The following PLCE1 variants were observed in gnomAD, a reference collection of about 807,000 sequenced individuals.
PLCE1 encodes the protein phospholipase C epsilon 1.
A neutral mutation model predicts 242.8 loss-of-function variants in PLCE1; 119 were observed. The ratio of observed to expected loss-of-function variants is 0.49; its 90% confidence interval spans 0.42 to 0.57. The LOEUF is 0.57. Ranked by LOEUF, PLCE1 falls within the 20% of genes least tolerant of loss-of-function variation. PLCE1 has a pLI of 0.00. For synonymous variants in PLCE1, 945 were observed against 1,017.4 expected, an observed-to-expected ratio of 0.93 and a Z score of 1.35; for missense variants, 2,441 against 2,788.8, an observed-to-expected ratio of 0.88 and a Z score of 2.81.
chr10:94,301,468 T>C (rs935279304), intron 24 of PLCE1, among the ~76,000 whole-genome samples: 6 of 152,306 alleles, frequency 3.9e-5, no homozygotes, highest in Admixed American at 2.0e-4. Flanking sequence ...AAGTGCTTGA[T>C]TTTCCATGAA....
At chr10:94,276,290 G>A (rs2051951621) in intron 19 of PLCE1, among the ~76,000 whole-genome samples, 1 of 152,200 alleles carries the variant, frequency 6.6e-6, no homozygotes, top group South Asian at 2.1e-4. Context: ...ATAGAAAACT[G>A]AAACCTGGCC....
chr10:94,050,544 T>C (rs1047574977), intron 2 of PLCE1, among the ~76,000 whole-genome samples: 2 of 152,062 alleles, frequency 1.3e-5, no homozygotes, highest in Non-Finnish European at 2.9e-5. Flanking sequence ...ATCCTGGCCA[T>C]TTAACAAAAC....
chr10:94,120,170 G>T (rs567341289), intron 2 of PLCE1, among the ~76,000 whole-genome samples: 28 of 152,026 alleles, frequency 1.8e-4, no homozygotes, highest in Non-Finnish European at 4.0e-4. Context: ...CCTCTTCCAG[G>T]CTCCATGTCC....
At chr10:94,117,974 C>T (rs907604530) in intron 2 of PLCE1, among the ~76,000 whole-genome samples, 8 of 152,144 alleles carry the variant, frequency 5.3e-5, no homozygotes, top group Admixed American at 5.2e-4. Flanking sequence ...ATTGTTTCAA[C>T]AAAAGACCTC....
intron 2 of PLCE1, among the ~76,000 whole-genome samples, chr10:94,102,858 G>A (rs958166845): frequency 2.0e-5 from 3 of 152,158 alleles, no homozygotes; most frequent in African/African-American, 4.8e-5. Flanking sequence ...TGTGAAATCC[G>A]TCTACAAAAA....
chr10:94,015,833 C>A (rs1253304474), intron 1 of PLCE1, among the ~76,000 whole-genome samples: 1 of 152,064 alleles, frequency 6.6e-6, no homozygotes, highest in Non-Finnish European at 1.5e-5. Flanking sequence ...TCTATTTGGC[C>A]GAATGAAATA....
In PLCE1 at chr10:94,304,580, T is replaced by C; in HGVS notation, c.5557T>C (p.Tyr1853His). ...PVLWDKNCPMYQKFSPLERDL... is the reference protein window; with the variant it reads ...PVLWDKNCPMHQKFSPLERDL... Reference sequence around the variant, plus strand: ...TCTGTGGGACAAGAACTGCCCCATGTATCAGAAGTTTTCTCCACTAGAAAG... The same window carrying C: ...TCTGTGGGACAAGAACTGCCCCATGCATCAGAAGTTTTCTCCACTAGAAAG... The change falls in exon 25 of 33, where the codon TAT (tyrosine) becomes CAT (histidine). Residue 1853 changes from tyrosine to histidine, a missense_variant. Transcript: ENST00000371380. The C allele has an allele frequency of 6.2e-7, 1 of 1,614,072 alleles. No homozygotes were observed. Among genetic ancestry groups the C allele is most frequent in the Non-Finnish European group, 8.5e-7 (1 of 1,179,906 alleles).
At chr10:94,291,332 A>G (rs933680880) in intron 22 of PLCE1, among the ~76,000 whole-genome samples, 3 of 152,096 alleles carry the variant, frequency 2.0e-5, no homozygotes, top group African/African-American at 7.2e-5. Context: ...CTTCTGCTCA[A>G]ACTTCCATCT....
rs10572287 is a variant in PLCE1, at chr10:94,315,769, C to CAA, written c.6133-758_6133-757dup. Reference sequence around the variant, plus strand: ...TGGGCGACAGAGGGAGACTCTGTCTCAAAAAAAAAAAAAAAAAAAAAGTAA... The same window carrying CAA: ...TGGGCGACAGAGGGAGACTCTGTCTCAAAAAAAAAAAAAAAAAAAAAAAGTAA... On this transcript the variant is annotated intron_variant, in intron 28 of 32. Coordinates refer to ENST00000371380, the MANE Select transcript of PLCE1 (RefSeq NM_016341.4). Among the ~76,000 whole-genome samples the CAA allele has an allele frequency of 1.8e-4, 22 of 122,868 alleles. No individual in the cohort carries two copies. In the East Asian group the frequency reaches 2.9e-3, roughly 16 times the overall value. The allele number at this position is 122,868 out of a possible 152,430, so 80.6% of individuals were successfully genotyped here. A position where few individuals can be genotyped will look rare whatever the true frequency, so the allele number is the denominator to read the frequency against.
intron 1 of PLCE1, among the ~76,000 whole-genome samples, chr10:94,020,357 T>TCTG (rs2061355071): frequency 6.6e-6 from 1 of 152,216 alleles, no homozygotes; most frequent in Non-Finnish European, 1.5e-5. Context: ...TAATTTGTCT[T>TCTG]ATGATTGAGC....
intron 4 of PLCE1, among the ~76,000 whole-genome samples, chr10:94,180,390 A>T (rs2048275396): frequency 6.6e-6 from 1 of 152,150 alleles, no homozygotes; most frequent in South Asian, 2.1e-4. Context: ...AATGTCTGAG[A>T]ATATTAGAGC....
intron 3 of PLCE1, among the ~76,000 whole-genome samples, chr10:94,136,501 C>T (rs1185212682): frequency 6.6e-6 from 1 of 152,160 alleles, no homozygotes. Context: ...AGAACCGAAA[C>T]GCTCCTCTTC....
intron 4 of PLCE1, among the ~76,000 whole-genome samples, chr10:94,209,753 A>C (rs1054386684): frequency 6.6e-6 from 1 of 152,246 alleles, no homozygotes; most frequent in Non-Finnish European, 1.5e-5. Flanking sequence ...CCACAATTCA[A>C]TGCAGGTGCC....
At chr10:94,267,654 G>A (rs1329469623) in intron 16 of PLCE1, among the ~76,000 whole-genome samples, 1 of 152,112 alleles carries the variant, frequency 6.6e-6, no homozygotes, top group Non-Finnish European at 1.5e-5. Context: ...ATGCTGAAAA[G>A]CCATCTCATC....
At chr10:94,315,786 A>G (rs2053549638) in intron 28 of PLCE1, among the ~76,000 whole-genome samples, 1 of 150,778 alleles carries the variant, frequency 6.6e-6, no homozygotes, top group African/African-American at 2.5e-5. Flanking sequence ...AAAAAAAAAA[A>G]AAAAGTAACT....
chr10:94,116,507 CA>C (rs1335747162), intron 2 of PLCE1, among the ~76,000 whole-genome samples: 1 of 152,118 alleles, frequency 6.6e-6, no homozygotes, highest in African/African-American at 2.4e-5. Flanking sequence ...CCAGCTTGGC[CA>C]ACATGGTGAA....
At position 94,280,301 on chromosome 10, in the gene PLCE1, GCT is replaced by G. The variant is rs151169094; in HGVS notation, c.4795+395_4795+396del. ...GCAGGGGGCAGCATCACGGCTCTGTGCTCTCTGTTTCACACTCTTGCTCTGGC... is the reference window on the plus strand; with the variant it reads ...GCAGGGGGCAGCATCACGGCTCTGTGCTCTGTTTCACACTCTTGCTCTGGC... On this transcript the variant is annotated intron_variant, in intron 20 of 32. Transcript: ENST00000371380. 8.5e-3 allele frequency: 2,486 copies of G among 292,684 alleles called. 25 individuals are homozygous for G. Among genetic ancestry groups the G allele is most frequent in the Non-Finnish European group, 0.011 (1,683 of 152,202 alleles). 18.1% of individuals were successfully genotyped at this position (292,684 alleles called of 1,614,324 possible). A position where few individuals can be genotyped will look rare whatever the true frequency, so the allele number is the denominator to read the frequency against.
At chr10:94,138,601 T>C in intron 3 of PLCE1, 1 of 427,416 alleles carries the variant, frequency 2.3e-6, no homozygotes, top group Non-Finnish European at 4.6e-6. Context: ...AAAGGGCATG[T>C]CAAGTGTGTG....
chr10:94,281,204 A>G (rs150780504), intron 20 of PLCE1, among the ~76,000 whole-genome samples: 1 of 152,368 alleles, frequency 6.6e-6, no homozygotes, highest in Admixed American at 6.5e-5. Flanking sequence ...TCAGATATGA[A>G]ATAAAAATCA....
Sources: allele counts gnomAD v4.1 joint callset (sites outside exome capture counted in the v4.1 genomes callset), GRCh38; gene constraint gnomAD v4.1.1; transcripts MANE v1.5; gene names NCBI Gene and HGNC (gene_info 2026-07-23, HGNC 2026-07-21).